The following ZNF316 variants were observed in gnomAD, a reference collection of about 807,000 sequenced individuals.
The protein encoded by ZNF316 is zinc finger protein 316.
Under a neutral mutation model 75.6 loss-of-function variants are expected in ZNF316, and 23 were observed. The observed-to-expected ratio is 0.30, with a 90% CI of 0.22 to 0.43. The LOEUF is 0.43. Ranked by LOEUF, ZNF316 falls within the 20% of genes least tolerant of loss-of-function variation. The pLI is 1.00. For synonymous variants in ZNF316, 827 were observed against 666.2 expected (o/e 1.24, Z -3.72); for missense variants, 1,266 against 1,409.4 (o/e 0.90, Z 1.63).
intron 7 of ZNF316, 120 bp from the exon 8 acceptor site, chr7:6,644,360 G>A: frequency 2.1e-6 from 1 of 469,870 alleles, no homozygotes; most frequent in Non-Finnish European, 3.4e-6. Context: ...GCAGGGGTGT[G>A]GGAGGGCTGG....
intron 8 of ZNF316, among the ~76,000 whole-genome samples, chr7:6,647,228 G>A (rs1779422095): frequency 6.6e-6 from 1 of 152,082 alleles, no homozygotes; most frequent in East Asian, 1.9e-4. Context: ...TGAGGGGCAG[G>A]CCCAGTGCCT....
chr7:6,652,608 C>G lies in ZNF316; in HGVS notation c.1012C>G (p.Pro338Ala). The change falls in exon 9 of 9, where the codon CCG (proline) becomes GCG (alanine). Residue 338 changes from proline to alanine, a missense_variant. By Grantham distance (27) the Pro-to-Ala change is conservative (BLOSUM62 -1). Coordinates refer to ENST00000382252, the MANE Select transcript of ZNF316 (RefSeq NM_001278559.2). The part of the protein sequence containing the change: ...SPWAFPAAVA[P>A]PAGRPETTCD... ...CTGGGCGTTCCCCGCCGCAGTGGCCCCGCCGGCCGGGAGGCCGGAGACCAC... is the reference window on the plus strand; with the variant it reads ...CTGGGCGTTCCCCGCCGCAGTGGCCGCGCCGGCCGGGAGGCCGGAGACCAC... 2 of 1,230,438 alleles carry G rather than the reference C, an allele frequency of 1.6e-6. No homozygotes were observed. Among genetic ancestry groups the G allele is most frequent in the Non-Finnish European group, 2.0e-6 (2 of 987,016 alleles). 76.2% of individuals were successfully genotyped at this position (1,230,438 alleles called of 1,614,324 possible).
At position 6,640,751 on chromosome 7, in the gene ZNF316, T is replaced by A. The variant is rs547259461; in HGVS notation, c.-166-1074T>A. Among the ~76,000 whole-genome samples the A allele has an allele frequency of 6.6e-6, 1 of 152,184 alleles. No individual in the cohort carries two copies. The highest frequency in any genetic ancestry group is 6.5e-5 in the Admixed American group (1 of 15,280). On this transcript the variant is annotated intron_variant, in intron 3 of 8. Coordinates refer to ENST00000382252, the MANE Select transcript of ZNF316 (RefSeq NM_001278559.2). This position sits in a 1 kb window ranked among gnomAD's most constrained non-coding sequence, Gnocchi z 5.1. ...GGCCTGGTGGGAGGGGATTGGCCCA[T>A]GGAGGCGGATCCCTCATGAATGGTC...
chr7:6,640,090 C>G lies in ZNF316; in HGVS notation c.-167+949C>G, dbSNP rs1335753828. On this transcript the variant is annotated intron_variant, in intron 3 of 8. Transcript: ENST00000382252. This position sits in a 1 kb window ranked among gnomAD's most constrained non-coding sequence, Gnocchi z 5.1. ...GGTGGCTTCTGGATGCCTGTGTGTC[C>G]CAGCCTTTGACTTGGGTGAGCCTGT... Among the ~76,000 whole-genome samples the G allele has an allele frequency of 6.6e-6, 1 of 152,084 alleles. No individual in the cohort carries two copies. Among genetic ancestry groups the G allele is most frequent in the African/African-American group, 2.4e-5 (1 of 41,402 alleles).
rs1326654981 is a variant in ZNF316 at position 6,642,646 on chromosome 7, G to A, written c.237G>A (p.Ala79=). Residue 79 remains alanine (A), a synonymous_variant, in exon 5 of 9, where the codon GCG becomes GCA. Coordinates refer to ENST00000382252, the MANE Select transcript of ZNF316 (RefSeq NM_001278559.2). The surrounding 1 kb of genome is among the most constrained non-coding windows in gnomAD (Gnocchi z 8.1). ...CGGTGGCCGAGGTGGAGGTGGAGGC[G>A]GACGTGGAGGAGGAGGATGTGAAGG... ...VEAVAEVEVE[A]DVEEEDVKEV... The A allele has an allele frequency of 2.1e-5, 26 of 1,236,114 alleles. No homozygotes were observed. Among genetic ancestry groups the A allele is most frequent in the African/African-American group, 6.2e-5 (4 of 64,438 alleles). 76.6% of individuals were successfully genotyped at this position (1,236,114 alleles called of 1,614,324 possible). A position where few individuals can be genotyped will look rare whatever the true frequency, so the allele number is the denominator to read the frequency against.
chr7:6,643,050 G>C lies in ZNF316; in HGVS notation c.442G>C (p.Asp148His), dbSNP rs1026533953. Residue 148 changes from aspartate to histidine, a missense_variant, in exon 6 of 9, where the codon GAT becomes CAT. Physicochemically the swap from Asp to His is moderately conservative, Grantham distance 81. Transcript: ENST00000382252. ...EEEEEDEDED[D>H]LLTAGCQELV... ...GGAGGAGGAGGATGAGGACGAGGAT[G>C]ATTTGCTGACGGCTGGGTGTCAGGT... The C allele has an allele frequency of 5.7e-6, 7 of 1,237,864 alleles. No homozygotes were observed. In the African/African-American group the frequency reaches 7.7e-5, roughly 14 times the overall value. The allele number at this position is 1,237,864 out of a possible 1,614,324, so 76.7% of individuals were successfully genotyped here. A position where few individuals can be genotyped will look rare whatever the true frequency, so the allele number is the denominator to read the frequency against.
In ZNF316 at chr7:6,650,499, G is replaced by A. The variant is rs569640764; in HGVS notation, c.707-1804G>A. On this transcript the variant is annotated intron_variant, in intron 8 of 8. Coordinates refer to ENST00000382252, the MANE Select transcript of ZNF316 (RefSeq NM_001278559.2). The stretch of plus-strand genomic sequence containing the variant: ...TGAAGCCGGGCCTGTGTGGGTCTGT[G>A]TTTTCCTGCGGCTCTAGGTCCCCAT... 1.4e-4 allele frequency among the ~76,000 whole-genome samples: 22 copies of A among 152,338 alleles called. No homozygotes were observed. The South Asian group carries it at 4.6e-3, about 32-fold the overall frequency.
chr7:6,654,322 A>G lies in ZNF316; in HGVS notation c.2726A>G (p.His909Arg). The change falls in exon 9 of 9, where the codon CAT (histidine) becomes CGT (arginine). Residue 909 changes from histidine to arginine, a missense_variant. Physicochemically the swap from His to Arg is conservative, Grantham distance 29 (BLOSUM62 0). Around this residue, in one of 3 missense-constraint regions of ZNF316, gnomAD observed 194 missense variants for 319.2 expected, o/e 0.61. Coordinates refer to ENST00000382252, the MANE Select transcript of ZNF316 (RefSeq NM_001278559.2). ...GTGCTGGTCACGCACCAGCGCACAC[A>G]TACGGGCGAGCGGCCCTACGCCTGC... ...RSVLVTHQRT[H>R]TGERPYACAN... The G allele has an allele frequency of 8.2e-7, 1 of 1,223,624 alleles. No individual in the cohort carries two copies. The highest frequency in any genetic ancestry group is 1.0e-6 in the Non-Finnish European group (1 of 982,376). The allele number at this position is 1,223,624 out of a possible 1,614,324, so 75.8% of individuals were successfully genotyped here. A position where few individuals can be genotyped will look rare whatever the true frequency, so the allele number is the denominator to read the frequency against.
rs920437363 is a variant in ZNF316, at chr7:6,642,650, G to T, written c.241G>T (p.Val81Leu). Residue 81 changes from valine (V) to leucine (L), a missense_variant, in exon 5 of 9, where the codon GTG becomes TTG. By Grantham distance (32) the Val-to-Leu change is conservative. This residue lies in a region of ZNF316 where 961 missense variants were observed against 990.9 expected (regional missense o/e 0.97). Transcript: ENST00000382252. This position sits in a 1 kb window ranked among gnomAD's most constrained non-coding sequence, Gnocchi z 8.1. ...GGCCGAGGTGGAGGTGGAGGCGGAC[G>T]TGGAGGAGGAGGATGTGAAGGAGGT... is the stretch of plus-strand genomic sequence containing the variant. ...AVAEVEVEAD[V>L]EEEDVKEVLA... is the part of the protein sequence containing the mutation. 26 of 1,236,532 alleles carry T rather than the reference G, an allele frequency of 2.1e-5. No individual in the cohort carries two copies. Among genetic ancestry groups the T allele is most frequent in the Non-Finnish European group, 2.6e-5 (26 of 991,120 alleles). The allele number at this position is 1,236,532 out of a possible 1,614,324, so 76.6% of individuals were successfully genotyped here. A position where few individuals can be genotyped will look rare whatever the true frequency, so the allele number is the denominator to read the frequency against.
rs571805004 is a variant in ZNF316, at chr7:6,639,368, G to T, written c.-167+227G>T. Among the ~76,000 whole-genome samples the T allele has an allele frequency of 1.3e-5, 2 of 152,176 alleles. No homozygotes were observed. The highest frequency in any genetic ancestry group is 1.3e-4 in the Admixed American group (2 of 15,274). Reference sequence around the variant, plus strand: ...GGGAGCTTCTGCCGCCCAGGAGCTGGCTGTACTCAGGGAGAGAGATGATAA... The same window carrying T: ...GGGAGCTTCTGCCGCCCAGGAGCTGTCTGTACTCAGGGAGAGAGATGATAA... On this transcript the variant is annotated intron_variant, in intron 3 of 8. Transcript: ENST00000382252. The surrounding 1 kb of genome is among the most constrained non-coding windows in gnomAD (Gnocchi z 4.2).
At position 6,653,328 on chromosome 7, in the gene ZNF316, T is replaced by C; in HGVS notation, c.1732T>C (p.Phe578Leu). 1 of 1,225,906 alleles carries C rather than the reference T, an allele frequency of 8.2e-7. No individual in the cohort carries two copies. Among genetic ancestry groups the C allele is most frequent in the African/African-American group, 1.6e-5 (1 of 63,928 alleles). The allele number at this position is 1,225,906 out of a possible 1,614,324, so 75.9% of individuals were successfully genotyped here. ...GKVDPAPERR[F>L]LELGNGLGEG... ...GGTGGACCCCGCGCCGGAACGGCGC[T>C]TCCTGGAGCTGGGCAACGGCCTGGG... The change falls in exon 9 of 9, where the codon TTC becomes CTC. Residue 578 changes from phenylalanine (F) to leucine (L), a missense_variant. Transcript: ENST00000382252.
At chr7:6,644,072 C>T in intron 7 of ZNF316, 124 bp downstream of exon 7, 1 of 1,081,972 alleles carries the variant, frequency 9.2e-7, no homozygotes, top group Non-Finnish European at 1.2e-6. Flanking sequence ...GGGCCCAGCC[C>T]ACCTCCCAGG....
rs1779546273 is a variant in ZNF316, at chr7:6,653,226, G to A, written c.1630G>A (p.Glu544Lys). The change falls in exon 9 of 9, where the codon GAG becomes AAG. Residue 544 changes from glutamate (E) to lysine (K), a missense_variant. Coordinates refer to ENST00000382252, the MANE Select transcript of ZNF316 (RefSeq NM_001278559.2). Reference sequence around the variant, plus strand: ...TGGGCCAGAGGGATCTGAAGTTGGCGAGGCGGACGGAGAGGCGGAGGCCGC... The same window carrying A: ...TGGGCCAGAGGGATCTGAAGTTGGCAAGGCGGACGGAGAGGCGGAGGCCGC... ...DPGPEGSEVG[E>K]ADGEAEAAAE... The A allele has an allele frequency of 8.2e-7, 1 of 1,224,518 alleles. No homozygotes were observed. The highest frequency in any genetic ancestry group is 1.0e-6 in the Non-Finnish European group (1 of 983,612). The allele number at this position is 1,224,518 out of a possible 1,614,324, so 75.9% of individuals were successfully genotyped here.
Position 6,653,997 on chromosome 7 carries a change from C to T in ZNF316, c.2401C>T (p.Arg801Trp). Residue 801 changes from arginine (R) to tryptophan (W), a missense_variant, in exon 9 of 9, where the codon CGG becomes TGG. Physicochemically the swap from Arg to Trp is moderately radical, Grantham distance 101 (BLOSUM62 -3). Around this residue, in one of 3 missense-constraint regions of ZNF316, gnomAD observed 194 missense variants for 319.2 expected, o/e 0.61. Coordinates refer to ENST00000382252, the MANE Select transcript of ZNF316 (RefSeq NM_001278559.2). ...GCACGGGCGCGCGCACACCGGGGAG[C>T]GGCCTTACGCGTGTGGAGAGTGCGG... is the stretch of plus-strand genomic sequence containing the variant. The part of the protein sequence containing the change: ...TAHGRAHTGE[R>W]PYACGECGRR... 8.4e-7 allele frequency: 1 copy of T among 1,183,620 alleles called. No homozygotes were observed. The highest frequency in any genetic ancestry group is 4.2e-5 in the South Asian group (1 of 24,050). The allele number at this position is 1,183,620 out of a possible 1,614,324, so 73.3% of individuals were successfully genotyped here.
rs1779531265 is a variant in ZNF316 at position 6,652,661 on chromosome 7, G to A, written c.1065G>A (p.Pro355=). 3 of 1,232,172 alleles carry A rather than the reference G, an allele frequency of 2.4e-6. No homozygotes were observed. The highest frequency in any genetic ancestry group is 4.0e-5 in the South Asian group (1 of 24,838). The allele number at this position is 1,232,172 out of a possible 1,614,324, so 76.3% of individuals were successfully genotyped here. Residue 355 remains proline (P), a synonymous_variant, in exon 9 of 9, where the codon CCG becomes CCA. Coordinates refer to ENST00000382252, the MANE Select transcript of ZNF316 (RefSeq NM_001278559.2). The part of the protein sequence containing the change: ...TTCDVCGKVF[P]HRSRLAKHQR... ...GCGACGTGTGCGGCAAGGTCTTCCC[G>A]CACCGCTCGCGGCTGGCCAAGCACC...
intron 6 of ZNF316, among the ~76,000 whole-genome samples, chr7:6,643,453 G>A (rs529833270): frequency 4.6e-5 from 7 of 152,348 alleles, no homozygotes; most frequent in African/African-American, 1.7e-4. Flanking sequence ...GCCCACGCTC[G>A]GTTTAGTTGC....
chr7:6,641,579 G>A lies in ZNF316; in HGVS notation c.-166-246G>A, dbSNP rs12667876. Among the ~76,000 whole-genome samples the A allele has an allele frequency of 0.015, 2,289 of 152,344 alleles. 115 individuals are homozygous for A. The East Asian group carries it at 0.18, about 12-fold the overall frequency. On this transcript the variant is annotated intron_variant, in intron 3 of 8. Coordinates refer to ENST00000382252, the MANE Select transcript of ZNF316 (RefSeq NM_001278559.2). ...GTCAGTGTGGCTGCCTCTCCCCTGAGCTTCTGGGCTGAGCTGTTACTGATG... is the reference window on the plus strand; with the variant it reads ...GTCAGTGTGGCTGCCTCTCCCCTGAACTTCTGGGCTGAGCTGTTACTGATG...
In ZNF316 at chr7:6,644,020, G is replaced by A. The variant is rs1001420323; in HGVS notation, c.592+72G>A. 4.1e-6 allele frequency: 5 copies of A among 1,226,132 alleles called. No individual in the cohort carries two copies. The African/African-American group carries it at 7.8e-5, about 19-fold the overall frequency. The allele number at this position is 1,226,132 out of a possible 1,614,324, so 76.0% of individuals were successfully genotyped here. The stretch of plus-strand genomic sequence containing the variant: ...CTGCCAGGGTCTTAGCTGTCTGACG[G>A]GGCGCTTTTCAAATCCCAGGGTCTT... On this transcript the variant is annotated intron_variant, in intron 7 of 8. Coordinates refer to ENST00000382252, the MANE Select transcript of ZNF316 (RefSeq NM_001278559.2).
chr7:6,643,377 C>T (rs1779345411), intron 6 of ZNF316, among the ~76,000 whole-genome samples: 1 of 152,264 alleles, frequency 6.6e-6, no homozygotes, highest in African/African-American at 2.4e-5. Flanking sequence ...GCCCTCCCCT[C>T]ACCTGGAGTG....
Sources: gnomAD v4.1 joint callset for allele counts (sites outside exome capture counted in the v4.1 genomes callset) on GRCh38, gnomAD v4.1.1 for gene constraint, gnomAD v4.1.1 regional missense constraint, Gnocchi (gnomAD v3.1) non-coding constraint, MANE v1.5 for transcripts, NCBI Gene and HGNC (gene_info 2026-07-23, HGNC 2026-07-21) for gene names.